PNPT1: variants seen among roughly 807,000 people sequenced by gnomAD.
The protein encoded by PNPT1 is polyribonucleotide nucleotidyltransferase 1, mitochondrial.
In PNPT1, 53 loss-of-function variants were observed where a neutral mutation model predicts 119.5. The observed-to-expected ratio is 0.44, with a 90% CI of 0.36 to 0.56. The LOEUF (loss-of-function observed/expected upper bound fraction) is 0.56, where lower values mean the gene tolerates loss of function less well. Among genes scored for constraint, PNPT1 ranks in the 20% least tolerant of loss-of-function variants. PNPT1 has a pLI of 0.00. For synonymous variants in PNPT1, 357 were observed against 322.1 expected (o/e 1.11, Z -1.16); for missense variants, 948 against 938.5 (o/e 1.01, Z -0.13).
At chr2:55,649,289 G>T (rs1281827293) in intron 18 of PNPT1, among the ~76,000 whole-genome samples, 2 of 152,024 alleles carry the variant, frequency 1.3e-5, no homozygotes, top group African/African-American at 4.8e-5. Flanking sequence ...TAATAATAAT[G>T]ATGATGATGA....
At chr2:55,681,349 G>C (rs1005252721) in intron 5 of PNPT1, among the ~76,000 whole-genome samples, 1 of 152,152 alleles carries the variant, frequency 6.6e-6, no homozygotes, top group Non-Finnish European at 1.5e-5. Context: ...AGAGGTTGCA[G>C]TGAGCTGAGA....
At chr2:55,645,549 C>T in intron 21 of PNPT1, 117 bp from the exon 22 acceptor site, 1 of 616,800 alleles carries the variant, frequency 1.6e-6, no homozygotes, top group Non-Finnish European at 2.8e-6. Context: ...TTGAAGCTTT[C>T]CACATCCCTA....
chr2:55,656,995 A>C (rs1276939483), intron 15 of PNPT1, among the ~76,000 whole-genome samples: 1 of 152,206 alleles, frequency 6.6e-6, no homozygotes, highest in Non-Finnish European at 1.5e-5. Context: ...AATATGAATT[A>C]GTTGTGATCA....
chr2:55,641,896 C>T (rs1008714536), intron 25 of PNPT1, among the ~76,000 whole-genome samples: 40 of 150,862 alleles, frequency 2.7e-4, no homozygotes, highest in Admixed American at 6.0e-4. Context: ...GGCTGGAGTG[C>T]AGTGGTGCGA....
At chr2:55,652,179 T>C (rs1696232012) in intron 18 of PNPT1, among the ~76,000 whole-genome samples, 1 of 113,378 alleles carries the variant, frequency 8.8e-6, no homozygotes, top group African/African-American at 2.8e-5. Flanking sequence ...TTAGTATCTT[T>C]TTGTTTTCAA....
chr2:55,666,844 C>T, intron 13 of PNPT1, 147 bp downstream of exon 13: 1 of 549,794 alleles, frequency 1.8e-6, no homozygotes, highest in Non-Finnish European at 3.0e-6. Flanking sequence ...CTGTCTCAAA[C>T]AAAACAAACA....
intron 14 of PNPT1, among the ~76,000 whole-genome samples, chr2:55,661,313 GGTCTCCTGACT>G (rs1189271930): frequency 6.6e-6 from 1 of 151,702 alleles, no homozygotes; most frequent in East Asian, 1.9e-4. Flanking sequence ...GGATAGTCTT[GGTCTCCTGACT>G]TCAGGATCCA....
intron 4 of PNPT1, among the ~76,000 whole-genome samples, chr2:55,684,088 G>A (rs1180712697): frequency 6.6e-6 from 1 of 152,160 alleles, no homozygotes; most frequent in Non-Finnish European, 1.5e-5. Context: ...GGTTCCACAG[G>A]CAACAGTTAC....
intron 5 of PNPT1, among the ~76,000 whole-genome samples, chr2:55,682,530 A>G (rs1486476016): frequency 6.6e-6 from 1 of 152,174 alleles, no homozygotes; most frequent in African/African-American, 2.4e-5. Flanking sequence ...TGCCCATGTC[A>G]TGCACTTAAA....
intron 10 of PNPT1, 74 bp from the exon 11 acceptor site, chr2:55,671,450 CA>C: frequency 2.3e-6 from 2 of 864,802 alleles, no homozygotes; most frequent in Middle Eastern, 3.0e-4. Context: ...AATTATTATA[CA>C]ATGAACACAT....
chr2:55,672,790 T>A, intron 9 of PNPT1, 103 bp downstream of exon 9: 1 of 1,092,830 alleles, frequency 9.2e-7, no homozygotes, highest in Non-Finnish European at 1.3e-6. Context: ...AAGTGCTATT[T>A]ATGAAGTAAT....
intron 26 of PNPT1, among the ~76,000 whole-genome samples, chr2:55,638,179 G>A: frequency 6.6e-6 from 1 of 151,924 alleles, no homozygotes; most frequent in East Asian, 1.9e-4. Context: ...GCACACGCCT[G>A]TAGTCCCAGC....
chr2:55,639,398 C>G (rs2104017045), intron 26 of PNPT1, among the ~76,000 whole-genome samples: 1 of 152,216 alleles, frequency 6.6e-6, no homozygotes, highest in East Asian at 1.9e-4. Context: ...TACCAAACAC[C>G]CTCTAAAAAG....
chr2:55,675,637 G>A lies in PNPT1; in HGVS notation c.680-2558C>T, dbSNP rs369975694. Among the ~76,000 whole-genome samples, 14 of 152,160 alleles carry A rather than the reference G, an allele frequency of 9.2e-5. No homozygotes were observed. In the East Asian group the frequency reaches 2.7e-3, roughly 29 times the overall value. On this transcript the variant is annotated intron_variant, in intron 8 of 27. Coordinates refer to ENST00000447944, the MANE Select transcript of PNPT1 (RefSeq NM_033109.5). ...CGTTTGAACCCCACAGTTTGAGGCT[G>A]TAGTGATGTATAATCACACCATTGC...
intron 7 of PNPT1, 35 bp downstream of exon 7, chr2:55,680,677 C>A (rs778578289): frequency 2.5e-6 from 4 of 1,572,712 alleles, no homozygotes; most frequent in African/African-American, 1.4e-5. Context: ...AAAAAAAATA[C>A]ACATATGATT....
In PNPT1 at chr2:55,693,685, C is replaced by T. The variant is rs1697694878; in HGVS notation, c.139G>A (p.Val47Met). Residue 47 changes from valine to methionine, a missense_variant, in exon 1 of 28, where the codon GTG becomes ATG. Coordinates refer to ENST00000447944, the MANE Select transcript of PNPT1 (RefSeq NM_033109.5). Reference sequence around the variant, plus strand: ...TACCTGTTGCCTAAGTCCACGGCCACAGCTCGAGACCCTGCGCTACTCCAT... The same window carrying T: ...TACCTGTTGCCTAAGTCCACGGCCATAGCTCGAGACCCTGCGCTACTCCAT... ...ALWSSAGSRA[V>M]AVDLGNRKLE... 2 of 1,614,264 alleles carry T rather than the reference C, an allele frequency of 1.2e-6. No individual in the cohort carries two copies. The highest frequency in any genetic ancestry group is 1.7e-6 in the Non-Finnish European group (2 of 1,180,052).
intron 8 of PNPT1, among the ~76,000 whole-genome samples, chr2:55,677,131 C>G (rs1351653439): frequency 6.6e-6 from 1 of 152,082 alleles, no homozygotes; most frequent in South Asian, 2.1e-4. Flanking sequence ...AAAAACCATC[C>G]CCTTACAGGT....
chr2:55,635,743 T>TA lies in PNPT1; in HGVS notation c.*493dup, dbSNP rs1695651662. ...AGCTCCCTCAACTCACTATATCTGT[T>TA]AACAGTTCTGAAGAAATAGGCACTG... On this transcript the variant is annotated 3_prime_UTR_variant, in exon 28 of 28. Transcript: ENST00000447944. 1 of 152,326 alleles carries TA rather than the reference T, an allele frequency of 6.6e-6. No homozygotes were observed. Among genetic ancestry groups the TA allele is most frequent in the African/African-American group, 2.4e-5 (1 of 41,464 alleles). The allele number at this position is 152,326 out of a possible 1,614,324, so 9.4% of individuals were successfully genotyped here. A position where few individuals can be genotyped will look rare whatever the true frequency, so the allele number is the denominator to read the frequency against.
At chr2:55,641,925 TCTGC>T (rs1695845732) in intron 25 of PNPT1, among the ~76,000 whole-genome samples, 2 of 151,656 alleles carry the variant, frequency 1.3e-5, no homozygotes, top group East Asian at 3.9e-4. Context: ...CACTGCAACC[TCTGC>T]CTCCCGGCTT....
Sources: gnomAD v4.1 joint callset for allele counts (sites outside exome capture counted in the v4.1 genomes callset) on GRCh38, gnomAD v4.1.1 for gene constraint, MANE v1.5 for transcripts, NCBI Gene and HGNC (gene_info 2026-07-23, HGNC 2026-07-21) for gene names.